GREB1: variants seen among roughly 807,000 people sequenced by gnomAD.
GREB1 encodes growth regulating estrogen receptor binding 1, also known as protein GREB1.
In GREB1, 106 loss-of-function variants were observed where a neutral mutation model predicts 200.7. That is an observed-to-expected ratio of 0.53 (90% CI 0.45 to 0.62). The LOEUF (loss-of-function observed/expected upper bound fraction) is 0.62. GREB1 is among the 20% of genes least tolerant of loss of function. The pLI is 0.00. For missense variants in GREB1, 2,243 were observed against 2,556.8 expected, an observed-to-expected ratio of 0.88 and a Z score of 2.65; for synonymous variants, 1,132 against 1,092.4, an observed-to-expected ratio of 1.04 and a Z score of -0.72.
chr2:11,510,095 C>T (rs1287679562), intron 1 of GREB1, among the ~76,000 whole-genome samples: 2 of 152,122 alleles, frequency 1.3e-5, no homozygotes, highest in East Asian at 1.9e-4. Context: ...AACATCCAGT[C>T]GCTGTTCCCT....
Position 11,593,096 on chromosome 2 carries a change from G to A in GREB1, c.1666G>A (p.Ala556Thr), listed in dbSNP as rs1572851957. Reference protein sequence around the residue: ...YVVIICACRSAAIDSCIAVTG... With the variant: ...YVVIICACRSTAIDSCIAVTG... ...GGTCATCATCTGCGCCTGCCGCAGC[G>A]CGGCCATCGACTCCTGCATCGCCGT... is the stretch of plus-strand genomic sequence containing the variant. Residue 556 changes from alanine to threonine, a missense_variant, in exon 11 of 33, where the codon GCG becomes ACG. Transcript: ENST00000381486. 17 of 1,608,774 alleles carry A rather than the reference G, an allele frequency of 1.1e-5. No individual in the cohort carries two copies. The East Asian group carries it at 3.4e-4, about 32-fold the overall frequency.
rs544614625 is a variant in GREB1 at position 11,609,848 on chromosome 2, G to C, written c.2667-840G>C. Among the ~76,000 whole-genome samples the C allele has an allele frequency of 8.9e-4, 136 of 152,322 alleles. 2 individuals are homozygous for C. The highest frequency in any genetic ancestry group is 3.1e-3 in the African/African-American group (128 of 41,570). ...CACGGTATGGTACTCATTTTTGTAG[G>C]TCGAGAAACTACCTTACCTTTGCTA... is the stretch of plus-strand genomic sequence containing the variant. On this transcript the variant is annotated intron_variant, in intron 17 of 32. Transcript: ENST00000381486.
intron 1 of GREB1, among the ~76,000 whole-genome samples, chr2:11,512,842 C>T (rs10205078): frequency 0.059 from 8,945 of 152,234 alleles, 835 homozygotes; most frequent in African/African-American, 0.19. Flanking sequence ...AGACTTTTTA[C>T]GCAGCTTAAG....
rs187431228 is a variant in GREB1 at position 11,588,134 on chromosome 2, T to G, written c.1160-612T>G. On this transcript the variant is annotated intron_variant, in intron 9 of 32. Coordinates refer to ENST00000381486, the MANE Select transcript of GREB1 (RefSeq NM_014668.4). ...ATCCCAGCTACTCGGGAGGCTGAGG[T>G]GGGAGAATCACTTGAACTTGGGAGG... The G allele has an allele frequency of 1.2e-4, 49 of 419,918 alleles. 2 individuals carry two copies. The East Asian group carries it at 7.3e-3, about 62-fold the overall frequency. 26.0% of individuals were successfully genotyped at this position (419,918 alleles called of 1,614,324 possible). A position where few individuals can be genotyped will look rare whatever the true frequency, so the allele number is the denominator to read the frequency against.
chr2:11,571,864 C>A (rs1678335771), intron 4 of GREB1, among the ~76,000 whole-genome samples: 1 of 152,182 alleles, frequency 6.6e-6, no homozygotes, highest in Admixed American at 6.5e-5. Flanking sequence ...GCGCCCACCA[C>A]CACACCCAGC....
rs138415470 is a variant in GREB1 at position 11,601,645 on chromosome 2, G to A, written c.2529+650G>A. 7.9e-5 allele frequency among the ~76,000 whole-genome samples: 12 copies of A among 152,322 alleles called. No individual in the cohort carries two copies. In the East Asian group the frequency reaches 1.9e-3, roughly 24 times the overall value. On this transcript the variant is annotated intron_variant, in intron 16 of 32. Transcript: ENST00000381486. The stretch of plus-strand genomic sequence containing the variant: ...AAACTTTAAAAAATACCTGGCTTCC[G>A]TCCTGTGGACTGAGAATCCATGGTG...
At chr2:11,490,509 G>A (rs779165087) in intron 1 of GREB1, among the ~76,000 whole-genome samples, 1 of 152,178 alleles carries the variant, frequency 6.6e-6, no homozygotes, top group African/African-American at 2.4e-5. Flanking sequence ...AATGATGCTT[G>A]TAGGAATCTT....
Position 11,640,537 on chromosome 2 carries a change from G to C in GREB1, c.*83G>C, listed in dbSNP as rs1008954725. 5 of 1,514,622 alleles carry C rather than the reference G, an allele frequency of 3.3e-6. No homozygotes were observed. The highest frequency in any genetic ancestry group is 1.1e-5 in the South Asian group (1 of 88,422). 93.8% of individuals were successfully genotyped at this position (1,514,622 alleles called of 1,614,324 possible). A position where few individuals can be genotyped will look rare whatever the true frequency, so the allele number is the denominator to read the frequency against. ...GGCTAAAGGGAGGCCTGGAACGGTG[G>C]GGCGTTTGACTGGAATGGACCCCAG... On this transcript the variant is annotated 3_prime_UTR_variant, in exon 33 of 33. Transcript: ENST00000381486. This position sits in a 1 kb window ranked among gnomAD's most constrained non-coding sequence, Gnocchi z 4.6.
At chr2:11,524,278 T>C (rs537432445) in intron 1 of GREB1, among the ~76,000 whole-genome samples, 89 of 152,314 alleles carry the variant, frequency 5.8e-4, no homozygotes, top group Non-Finnish European at 1.1e-3. Flanking sequence ...CTGGGGCTTC[T>C]CATGGCCAGG....
chr2:11,519,449 G>GTTTTTGT (rs1673628957), intron 1 of GREB1, among the ~76,000 whole-genome samples: 1 of 76,974 alleles, frequency 1.3e-5, no homozygotes, highest in African/African-American at 5.4e-5. Context: ...ACTTGTTTTG[G>GTTTTTGT]TTTTTTTTTT....
At chr2:11,547,150 C>T (rs116688942) in intron 1 of GREB1, among the ~76,000 whole-genome samples, 2,190 of 152,194 alleles carry the variant, frequency 0.014, 67 homozygotes, top group African/African-American at 0.049. Flanking sequence ...ACCATGTTGG[C>T]CAGGGCGATG....
At chr2:11,611,467 C>T (rs1682920000) in intron 18 of GREB1, among the ~76,000 whole-genome samples, 1 of 152,176 alleles carries the variant, frequency 6.6e-6, no homozygotes, top group African/African-American at 2.4e-5. Flanking sequence ...CGTGTGCCAC[C>T]ACACTCGGCT....
At chr2:11,494,490 A>G (rs1672836676) in intron 1 of GREB1, among the ~76,000 whole-genome samples, 1 of 152,240 alleles carries the variant, frequency 6.6e-6, no homozygotes, top group African/African-American at 2.4e-5. Flanking sequence ...ACACTGCTCT[A>G]GAGTTGTTCT....
In GREB1 at chr2:11,625,038, CAG is replaced by C. The variant is rs542176730; in HGVS notation, c.4148-114_4148-113del. The C allele has an allele frequency of 3.6e-4, 293 of 815,892 alleles. 2 individuals carry two copies. In the East Asian group the frequency reaches 7.0e-3, roughly 20 times the overall value. The allele number at this position is 815,892 out of a possible 1,614,324, so 50.5% of individuals were successfully genotyped here. ...GCACTCTAGGATGTTAGCACAGTGA[CAG>C]AATCGCCTGATGTCGCATTTCTCAG... On this transcript the variant is annotated intron_variant, in intron 23 of 32. Transcript: ENST00000381486.
At chr2:11,495,943 G>T (rs1377050066) in intron 1 of GREB1, among the ~76,000 whole-genome samples, 1 of 152,036 alleles carries the variant, frequency 6.6e-6, no homozygotes, top group African/African-American at 2.4e-5. Context: ...TGGGACGGAC[G>T]TAACGGCAAC....
intron 1 of GREB1, among the ~76,000 whole-genome samples, chr2:11,502,912 C>G (rs1482550906): frequency 6.6e-6 from 1 of 152,052 alleles, no homozygotes; most frequent in Non-Finnish European, 1.5e-5. Flanking sequence ...GTGACAAGGC[C>G]ACACAGACAG....
In GREB1 at chr2:11,625,287, G is replaced by A. The variant is rs770699653; in HGVS notation, c.4281G>A (p.Ser1427=). 2.5e-5 allele frequency: 41 copies of A among 1,613,990 alleles called. No individual in the cohort carries two copies. The highest frequency in any genetic ancestry group is 1.8e-4 in the East Asian group (8 of 44,896). ...PKYEDASLIC[S]HYQGIKSEDR... ...ATGAAGATGCCAGCCTGATTTGTTC[G>A]CACTATCAGGGTATAAAGAGTGAAG... Residue 1427 remains serine (S), a synonymous_variant, in exon 24 of 33, where the codon TCG becomes TCA. Transcript: ENST00000381486.
In GREB1 at chr2:11,600,859, T is replaced by G. The variant is rs564869044; in HGVS notation, c.2393T>G (p.Leu798Trp). 6.2e-7 allele frequency: 1 copy of G among 1,614,186 alleles called. No homozygotes were observed. The highest frequency in any genetic ancestry group is 2.2e-5 in the East Asian group (1 of 44,882). Residue 798 changes from leucine to tryptophan, a missense_variant, in exon 16 of 33, where the codon TTG (leucine) becomes TGG (tryptophan). Around this residue, in one of 3 missense-constraint regions of GREB1, gnomAD observed 1,178 missense variants for 1,387.4 expected, o/e 0.85. Coordinates refer to ENST00000381486, the MANE Select transcript of GREB1 (RefSeq NM_014668.4). ...CCGTCGGTGGGATTGGTGGACCGAT[T>G]GCTCAACTGCAGGGAGGTGAAGGAG... Reference protein sequence around the residue: ...SDPSVGLVDRLLNCREVKEAP... With the variant: ...SDPSVGLVDRWLNCREVKEAP...
intron 22 of GREB1, among the ~76,000 whole-genome samples, chr2:11,619,608 C>T (rs754432649): frequency 1.3e-5 from 2 of 152,196 alleles, no homozygotes; most frequent in African/African-American, 2.4e-5. Context: ...AGTTTAAAAT[C>T]GTTGTCTCTT....
Sources: gnomAD v4.1 joint callset for allele counts (sites outside exome capture counted in the v4.1 genomes callset) on GRCh38, gnomAD v4.1.1 for gene constraint, gnomAD v4.1.1 regional missense constraint, Gnocchi (gnomAD v3.1) non-coding constraint, MANE v1.5 for transcripts, NCBI Gene and HGNC (gene_info 2026-07-23, HGNC 2026-07-21) for gene names.